Variants in MOSPD1 observed in about 807,000 individuals in gnomAD.
The protein encoded by MOSPD1 is motile sperm domain-containing protein 1.
In MOSPD1, 5 loss-of-function variants were observed where a neutral mutation model predicts 16.7. The observed-to-expected ratio is 0.30, with a 90% CI of 0.16 to 0.63. The LOEUF is 0.63. Among genes scored for constraint, MOSPD1 ranks in the 30% least tolerant of loss-of-function variants. The pLI, the probability that MOSPD1 is intolerant of heterozygous loss-of-function variation, is 0.82. For synonymous variants in MOSPD1, 67 were observed against 59.2 expected, an observed-to-expected ratio of 1.13 and a Z score of -0.61; for missense variants, 104 against 153.6, an observed-to-expected ratio of 0.68 and a Z score of 1.71.
intron 4 of MOSPD1, among the ~76,000 whole-genome samples, chrX:134,893,571 AC>A (rs1451155463): frequency 1.8e-5 from 2 of 111,475 alleles, no homozygotes; most frequent in African/African-American, 6.5e-5. Flanking sequence ...CCATAATTCC[AC>A]CCTCCTAGAG....
intron 1 of MOSPD1, among the ~76,000 whole-genome samples, chrX:134,902,849 CAA>C (rs779709545): frequency 4.6e-5 from 3 of 65,335 alleles, no homozygotes; most frequent in Non-Finnish European, 6.0e-5. Context: ...TGGGTTTATA[CAA>C]AAAAAAAAAA....
intron 3 of MOSPD1, 88 bp from the exon 4 acceptor site, chrX:134,897,122 A>G: frequency 1.7e-6 from 1 of 592,211 alleles, no homozygotes; most frequent in Non-Finnish European, 2.6e-6. Flanking sequence ...ATATTAAACA[A>G]TATTAACTGA....
intron 3 of MOSPD1, 34 bp from the exon 4 acceptor site, chrX:134,897,068 A>G: frequency 9.7e-7 from 1 of 1,035,987 alleles, no homozygotes; most frequent in Non-Finnish European, 1.3e-6. Flanking sequence ...TGCTGTTTAG[A>G]TTTCTGGGGG....
intron 3 of MOSPD1, 93 bp downstream of exon 3, chrX:134,898,997 G>T (rs2082899095): frequency 3.8e-6 from 3 of 799,331 alleles, no homozygotes; most frequent in Non-Finnish European, 3.6e-6. Context: ...GCCTATGTGA[G>T]AACAGCTTCA....
At chrX:134,914,897 T>G (rs2082990299) in intron 1 of MOSPD1, among the ~76,000 whole-genome samples, 1 of 111,803 alleles carries the variant, frequency 8.9e-6, no homozygotes, top group Non-Finnish European at 1.9e-5. Flanking sequence ...GAGCCTGCCT[T>G]TGCCCGGGCA....
At chrX:134,913,864 T>C (rs1037931350) in intron 1 of MOSPD1, among the ~76,000 whole-genome samples, 1 of 111,860 alleles carries the variant, frequency 8.9e-6, no homozygotes, top group Non-Finnish European at 1.9e-5. Context: ...CCTGATTGGG[T>C]ATGTAGACGT....
intron 3 of MOSPD1, among the ~76,000 whole-genome samples, chrX:134,897,546 TAAAA>T: frequency 1.7e-5 from 1 of 57,907 alleles, no homozygotes; most frequent in African/African-American, 6.8e-5. Flanking sequence ...TCTGTCTTAT[TAAAA>T]AAAAAAAAAA....
intron 1 of MOSPD1, among the ~76,000 whole-genome samples, chrX:134,907,998 C>T (rs899881074): frequency 3.6e-5 from 4 of 112,365 alleles, no homozygotes; most frequent in Non-Finnish European, 7.5e-5. Flanking sequence ...GTCTTGAACT[C>T]CTGAACTGAA....
At chrX:134,906,771 C>T (rs1046908033) in intron 1 of MOSPD1, among the ~76,000 whole-genome samples, 8 of 111,729 alleles carry the variant, frequency 7.2e-5, no homozygotes, top group African/African-American at 2.6e-4. Context: ...CAAGTGCACA[C>T]CAAGTCAGAG....
chrX:134,905,551 A>G (rs2082937423), intron 1 of MOSPD1, among the ~76,000 whole-genome samples: 1 of 88,020 alleles, frequency 1.1e-5, no homozygotes, highest in Non-Finnish European at 2.2e-5. Flanking sequence ...CTTATTTAAA[A>G]AAAACGAATA....
At chrX:134,898,496 C>A (rs1361455696) in intron 3 of MOSPD1, among the ~76,000 whole-genome samples, 1 of 111,815 alleles carries the variant, frequency 8.9e-6, no homozygotes, top group Non-Finnish European at 1.9e-5. Context: ...TCAATGGATC[C>A]ATCTGGTCAC....
intron 4 of MOSPD1, among the ~76,000 whole-genome samples, chrX:134,894,570 T>A (rs895143365): frequency 8.9e-6 from 1 of 111,988 alleles, no homozygotes; most frequent in Non-Finnish European, 1.9e-5. Flanking sequence ...AAATCAGTCA[T>A]CATGATACTC....
chrX:134,913,785 C>T (rs757637660), intron 1 of MOSPD1, among the ~76,000 whole-genome samples: 1 of 111,695 alleles, frequency 9.0e-6, no homozygotes, highest in African/African-American at 3.3e-5. Context: ...TTCAACTCTC[C>T]TAGTATTTAG....
At chrX:134,912,418 A>T (rs1254001863) in intron 1 of MOSPD1, among the ~76,000 whole-genome samples, 2 of 110,039 alleles carry the variant, frequency 1.8e-5, no homozygotes, top group Non-Finnish European at 1.9e-5. Context: ...CCCTCAGGTG[A>T]TCCACCTGCC....
chrX:134,899,857 G>A (rs1296513113), intron 1 of MOSPD1: 6 of 112,617 alleles, frequency 5.3e-5, no homozygotes, highest in African/African-American at 1.3e-4. Context: ...TCAGGAGGCC[G>A]AGGCAGGATA....
In MOSPD1 at chrX:134,889,106, T is replaced by A; in HGVS notation, c.*55A>T. ...GGAGTGAAATAGAGATAAAAGGCAG[T>A]CCACATTCATATTTTCAAGACAGAT... On this transcript the variant is annotated 3_prime_UTR_variant, in exon 6 of 6. Transcript: ENST00000370783. The A allele has an allele frequency of 9.9e-7, 1 of 1,005,707 alleles. No individual in the cohort carries two copies. The allele number at this position is 1,005,707 out of a possible 1,213,427, so 82.9% of individuals were successfully genotyped here.
At chrX:134,914,059 T>C (rs765041201) in intron 1 of MOSPD1, among the ~76,000 whole-genome samples, 16 of 112,142 alleles carry the variant, frequency 1.4e-4, no homozygotes, top group Non-Finnish European at 2.4e-4. Flanking sequence ...GAATATTAAA[T>C]CCCATGTGTG....
chrX:134,905,778 T>C (rs1251368719), intron 1 of MOSPD1, among the ~76,000 whole-genome samples: 1 of 111,987 alleles, frequency 8.9e-6, no homozygotes, highest in Non-Finnish European at 1.9e-5. Context: ...AACAGAAACA[T>C]AATGAGAAAA....
At chrX:134,909,501 G>A (rs1457941545) in intron 1 of MOSPD1, among the ~76,000 whole-genome samples, 1 of 111,213 alleles carries the variant, frequency 9.0e-6, no homozygotes, top group Non-Finnish European at 1.9e-5. Context: ...TGGGCACAGG[G>A]GCTATCTCCT....
Sources: allele counts gnomAD v4.1 joint callset (sites outside exome capture counted in the v4.1 genomes callset), GRCh38; gene constraint gnomAD v4.1.1; transcripts MANE v1.5; gene names NCBI Gene and HGNC (gene_info 2026-07-23, HGNC 2026-07-21).